The following ASTN2 variants were observed in gnomAD, a reference collection of about 807,000 sequenced individuals.
The protein encoded by ASTN2 is astrotactin-2.
A neutral mutation model predicts 139.8 loss-of-function variants in ASTN2; 54 were observed. The observed-to-expected ratio is 0.39, with a 90% CI of 0.31 to 0.48. The LOEUF (loss-of-function observed/expected upper bound fraction) is 0.48. Ranked by LOEUF, ASTN2 falls within the 20% of genes least tolerant of loss-of-function variation. The pLI is 0.95. For synonymous variants in ASTN2, 756 were observed against 719.5 expected (o/e 1.05, Z -0.81); for missense variants, 1,565 against 1,725.1 (o/e 0.91, Z 1.64).
chr9:116,556,104 C>A (rs1852600858), intron 19 of ASTN2, among the ~76,000 whole-genome samples: 2 of 152,138 alleles, frequency 1.3e-5, no homozygotes, highest in African/African-American at 4.8e-5. Flanking sequence ...CTGTCCCTGC[C>A]CTCCACGTAC....
intron 3 of ASTN2, among the ~76,000 whole-genome samples, chr9:117,149,341 C>A (rs1308617185): frequency 6.6e-6 from 1 of 152,018 alleles, no homozygotes; most frequent in African/African-American, 2.4e-5. Context: ...TAAAATAAAT[C>A]TCTGGTTAGA....
At chr9:117,375,241 C>T (rs2130919311) in intron 1 of ASTN2, among the ~76,000 whole-genome samples, 1 of 152,338 alleles carries the variant, frequency 6.6e-6, no homozygotes, top group East Asian at 1.9e-4. Flanking sequence ...ATGGTATATT[C>T]ATTTAACCTT....
intron 1 of ASTN2, among the ~76,000 whole-genome samples, chr9:117,361,926 T>C (rs916032550): frequency 6.6e-6 from 1 of 152,126 alleles, no homozygotes; most frequent in Non-Finnish European, 1.5e-5. Flanking sequence ...AGATTTAGGA[T>C]CACCCTGCAT....
At chr9:116,629,089 AG>A (rs2131852986) in intron 17 of ASTN2, among the ~76,000 whole-genome samples, 1 of 149,266 alleles carries the variant, frequency 6.7e-6, no homozygotes, top group African/African-American at 2.5e-5. Context: ...CGGAGGCAGC[AG>A]CTTTTACTGT....
chr9:116,509,075 T>C (rs1005990201), intron 19 of ASTN2, among the ~76,000 whole-genome samples: 3 of 152,190 alleles, frequency 2.0e-5, no homozygotes, highest in South Asian at 2.1e-4. Flanking sequence ...TAGTTACATA[T>C]GTATACATGT....
chr9:117,402,467 T>G (rs557569271), intron 1 of ASTN2, among the ~76,000 whole-genome samples: 1 of 152,226 alleles, frequency 6.6e-6, no homozygotes, highest in South Asian at 2.1e-4. Context: ...AAAACTAGGC[T>G]AATAGTTTGA....
intron 19 of ASTN2, chr9:116,611,200 A>G (rs1564152513): frequency 6.6e-6 from 1 of 152,298 alleles, no homozygotes; most frequent in East Asian, 1.9e-4. Context: ...CAAAGAAGAA[A>G]ACAAAAGTGA....
intron 19 of ASTN2, among the ~76,000 whole-genome samples, chr9:116,606,802 T>C (rs190231069): frequency 3.3e-5 from 5 of 152,262 alleles, no homozygotes; most frequent in African/African-American, 9.6e-5. Context: ...AAAGGTGCTG[T>C]TTTTCCCATT....
intron 1 of ASTN2, among the ~76,000 whole-genome samples, chr9:117,359,602 C>A (rs1016889511): frequency 6.6e-6 from 1 of 152,174 alleles, no homozygotes. Flanking sequence ...TTTGTTGAAC[C>A]ATATGGTTCT....
Position 116,811,735 on chromosome 9 carries a change from A to G in ASTN2, c.2208-5915T>C, listed in dbSNP as rs1207886954. On this transcript the variant is annotated intron_variant, in intron 12 of 22. Coordinates refer to ENST00000313400, the MANE Select transcript of ASTN2 (RefSeq NM_001365068.1). ...CAAAAGATGAAACTGTATCTCTCAT[A>G]TAGTATTCAAGTAATGCATCAGCTA... Among the ~76,000 whole-genome samples, 3 of 152,218 alleles carry G rather than the reference A, an allele frequency of 2.0e-5. No individual in the cohort carries two copies. In the East Asian group the frequency reaches 5.8e-4, roughly 29 times the overall value.
At chr9:117,191,227 C>CAAAAAAAA (rs35328157) in intron 3 of ASTN2, among the ~76,000 whole-genome samples, 3 of 62,482 alleles carry the variant, frequency 4.8e-5, no homozygotes, top group Non-Finnish European at 1.0e-4. Flanking sequence ...TACAAAATAG[C>CAAAAAAAA]AAAAAAAAAA....
intron 13 of ASTN2, among the ~76,000 whole-genome samples, chr9:116,803,003 T>TC (rs11378926): frequency 0.76 from 115,738 of 152,126 alleles, 44,281 homozygotes; most frequent in African/African-American, 0.84. Flanking sequence ...TCAACAGGCT[T>TC]CCATGGGAAC....
intron 2 of ASTN2, among the ~76,000 whole-genome samples, chr9:117,232,779 T>C (rs1363703947): frequency 2.0e-5 from 3 of 152,218 alleles, no homozygotes; most frequent in African/African-American, 7.2e-5. Context: ...TCTCCCTTTG[T>C]TGGGAGCAAT....
chr9:116,653,846 T>C (rs932311976), intron 16 of ASTN2, among the ~76,000 whole-genome samples: 5 of 152,222 alleles, frequency 3.3e-5, no homozygotes, highest in African/African-American at 1.2e-4. Flanking sequence ...CAAATGCTTA[T>C]GAGCATCAGA....
rs2185343 is a variant in ASTN2, at chr9:117,361,844, A to T, written c.442+52653T>A. 9.0e-3 allele frequency among the ~76,000 whole-genome samples: 1,365 copies of T among 152,224 alleles called. 27 individuals are homozygous for T. Among genetic ancestry groups the T allele is most frequent in the African/African-American group, 0.031 (1,294 of 41,532 alleles). On this transcript the variant is annotated intron_variant, in intron 1 of 22. Transcript: ENST00000313400. ...ATCTAGGTTGTTTTGAGGATTTAAA[A>T]ATATATATATTGCATATCAAGTTCT...
intron 1 of ASTN2, among the ~76,000 whole-genome samples, chr9:117,338,438 A>T (rs1828959274): frequency 6.6e-6 from 1 of 152,200 alleles, no homozygotes; most frequent in African/African-American, 2.4e-5. Context: ...CCATCCATTC[A>T]GCCCTCCTCC....
At chr9:116,555,248 G>T (rs562410887) in intron 19 of ASTN2, among the ~76,000 whole-genome samples, 2 of 152,234 alleles carry the variant, frequency 1.3e-5, no homozygotes, top group South Asian at 4.1e-4. Context: ...GAGGCTGAGG[G>T]CCTATGTGTT....
chr9:116,987,631 T>C (rs1212005960), intron 7 of ASTN2, among the ~76,000 whole-genome samples: 1 of 152,248 alleles, frequency 6.6e-6, no homozygotes, highest in African/African-American at 2.4e-5. Flanking sequence ...TAGTTCTTTA[T>C]AGCAGTGTGA....
chr9:117,347,590 G>A (rs1438716536), intron 1 of ASTN2, among the ~76,000 whole-genome samples: 4 of 152,062 alleles, frequency 2.6e-5, no homozygotes, highest in South Asian at 2.1e-4. Flanking sequence ...TTTGTCTAGT[G>A]CAATTCTCTC....
Sources: gnomAD v4.1 joint callset for allele counts (sites outside exome capture counted in the v4.1 genomes callset) on GRCh38, gnomAD v4.1.1 for gene constraint, MANE v1.5 for transcripts, NCBI Gene and HGNC (gene_info 2026-07-23, HGNC 2026-07-21) for gene names.